PCDH9: variants seen among roughly 807,000 people sequenced by gnomAD.
PCDH9 encodes protocadherin 9.
A neutral mutation model predicts 70.6 loss-of-function variants in PCDH9; 24 were observed. The ratio of observed to expected loss-of-function variants is 0.34; its 90% confidence interval spans 0.25 to 0.48. The LOEUF (loss-of-function observed/expected upper bound fraction) is 0.48, where lower values mean the gene tolerates loss of function less well. PCDH9 is among the 20% of genes least tolerant of loss of function. The pLI, the probability that PCDH9 is intolerant of heterozygous loss-of-function variation, is 0.99. For missense variants in PCDH9, 1,281 were observed against 1,503.6 expected, an observed-to-expected ratio of 0.85 and a Z score of 2.45; for synonymous variants, 562 against 558.5, an observed-to-expected ratio of 1.01 and a Z score of -0.09.
chr13:67,109,402 T>C (rs538123008), intron 2 of PCDH9, among the ~76,000 whole-genome samples: 21 of 152,340 alleles, frequency 1.4e-4, no homozygotes, highest in Admixed American at 4.6e-4. Context: ...GTCAATAATG[T>C]AGCCTAATCA....
At chr13:66,927,189 C>T (rs1043104206) in intron 2 of PCDH9, among the ~76,000 whole-genome samples, 2 of 151,938 alleles carry the variant, frequency 1.3e-5, no homozygotes, top group Admixed American at 6.6e-5. Context: ...ATAATGAAGT[C>T]CCATAGACCG....
chr13:66,818,500 T>A (rs76126667), intron 3 of PCDH9, among the ~76,000 whole-genome samples: 2,439 of 152,262 alleles, frequency 0.016, 80 homozygotes, highest in African/African-American at 0.054. Flanking sequence ...TGACATAGTA[T>A]CTGCAGAAAA....
At chr13:67,173,031 G>A (rs1303587740) in intron 2 of PCDH9, among the ~76,000 whole-genome samples, 2 of 151,862 alleles carry the variant, frequency 1.3e-5, no homozygotes, top group Non-Finnish European at 2.9e-5. Flanking sequence ...TAAAAATCAG[G>A]GAGTCACTCA....
intron 2 of PCDH9, among the ~76,000 whole-genome samples, chr13:66,949,859 A>G (rs933427106): frequency 3.9e-5 from 6 of 152,090 alleles, no homozygotes; most frequent in African/African-American, 1.4e-4. Context: ...TAAATGGGTT[A>G]AATATATAAA....
intron 3 of PCDH9, among the ~76,000 whole-genome samples, chr13:66,729,013 T>C (rs1002068428): frequency 6.6e-6 from 1 of 152,096 alleles, no homozygotes; most frequent in Non-Finnish European, 1.5e-5. Context: ...TGATGACATA[T>C]ATTTGTATGA....
At position 66,905,129 on chromosome 13, in the gene PCDH9, G is replaced by T. The variant is rs74093652; in HGVS notation, c.3037-1524C>A. 9.8e-3 allele frequency among the ~76,000 whole-genome samples: 1,482 copies of T among 151,168 alleles called. 21 individuals are homozygous for T. The highest frequency in any genetic ancestry group is 0.034 in the African/African-American group (1,422 of 41,288). The stretch of plus-strand genomic sequence containing the variant: ...TTATTTGAATGTTCCTAAGTTTTTT[G>T]TCTGAACAAATTCACTGTTAGCAAC... On this transcript the variant is annotated intron_variant, in intron 2 of 4. Transcript: ENST00000377865.
intron 2 of PCDH9, among the ~76,000 whole-genome samples, chr13:67,032,146 C>CT (rs1027796518): frequency 2.0e-5 from 3 of 151,858 alleles, no homozygotes; most frequent in African/African-American, 4.8e-5. Context: ...TTAAATACCA[C>CT]TTTTTTGGGG....
At chr13:66,955,838 A>G (rs962805478) in intron 2 of PCDH9, among the ~76,000 whole-genome samples, 1 of 152,176 alleles carries the variant, frequency 6.6e-6, no homozygotes, top group African/African-American at 2.4e-5. Context: ...TGCAAATATA[A>G]GAACATAGGG....
chr13:67,201,339 T>A (rs1004511873), intron 2 of PCDH9: 1 of 152,056 alleles, frequency 6.6e-6, no homozygotes, highest in Non-Finnish European at 1.5e-5. Context: ...TACAACTCTT[T>A]AAATACTTTA....
intron 4 of PCDH9, among the ~76,000 whole-genome samples, chr13:66,477,474 C>T (rs940439149): frequency 6.6e-6 from 1 of 151,966 alleles, no homozygotes; most frequent in African/African-American, 2.4e-5. Context: ...GAACTGTGGA[C>T]AAGACATAGA....
At chr13:66,848,927 CAAAAAAAAAA>C (rs745587776) in intron 3 of PCDH9, among the ~76,000 whole-genome samples, 9 of 51,308 alleles carry the variant, frequency 1.8e-4, no homozygotes, top group Middle Eastern at 0.01. Context: ...GACTCCGTCT[CAAAAAAAAAA>C]AAAAAAAAAA....
At chr13:66,532,272 C>G (rs950065586) in intron 4 of PCDH9, among the ~76,000 whole-genome samples, 1 of 151,858 alleles carries the variant, frequency 6.6e-6, no homozygotes, top group Non-Finnish European at 1.5e-5. Context: ...CCAAAGTGTC[C>G]GGATGATGGG....
At chr13:66,559,817 A>ATAT (rs1555306268) in intron 4 of PCDH9, among the ~76,000 whole-genome samples, 11 of 93,112 alleles carry the variant, frequency 1.2e-4, no homozygotes, top group Admixed American at 1.4e-4. Context: ...AAAAAAAAAA[A>ATAT]ATATATATAT....
At chr13:66,559,849 C>CAT in intron 4 of PCDH9, among the ~76,000 whole-genome samples, 1 of 144,698 alleles carries the variant, frequency 6.9e-6, no homozygotes, top group Non-Finnish European at 1.5e-5. Flanking sequence ...CACACACACA[C>CAT]ACACACACAC....
intron 4 of PCDH9, among the ~76,000 whole-genome samples, chr13:66,358,185 A>G (rs1824709976): frequency 6.6e-6 from 1 of 152,018 alleles, no homozygotes; most frequent in Non-Finnish European, 1.5e-5. Flanking sequence ...TATGCAGTAA[A>G]TTATTAATAA....
At position 66,847,693 on chromosome 13, in the gene PCDH9, C is replaced by G. The variant is rs527936425; in HGVS notation, c.3138+55811G>C. Reference sequence around the variant, plus strand: ...CATCACTACTCATGAGCTTTGGGGGCCATTATTCAGTAAAATAAAAGTTAC... The same window carrying G: ...CATCACTACTCATGAGCTTTGGGGGGCATTATTCAGTAAAATAAAAGTTAC... On this transcript the variant is annotated intron_variant, in intron 3 of 4. Transcript: ENST00000377865. Among the ~76,000 whole-genome samples, 7 of 152,202 alleles carry G rather than the reference C, an allele frequency of 4.6e-5. No individual in the cohort carries two copies. In the East Asian group the frequency reaches 1.4e-3, roughly 29 times the overall value.
chr13:66,395,275 T>C (rs1957083187), intron 4 of PCDH9, among the ~76,000 whole-genome samples: 2 of 152,274 alleles, frequency 1.3e-5, no homozygotes, highest in African/African-American at 4.8e-5. Context: ...TCTGCTCCCT[T>C]GAAGAGTGAC....
chr13:66,939,374 T>A (rs556495736), intron 2 of PCDH9, among the ~76,000 whole-genome samples: 1 of 152,178 alleles, frequency 6.6e-6, no homozygotes, highest in South Asian at 2.1e-4. Context: ...TCCCAAAGGA[T>A]AATTTTTACT....
At chr13:67,132,995 A>G (rs1244394861) in intron 2 of PCDH9, among the ~76,000 whole-genome samples, 1 of 152,032 alleles carries the variant, frequency 6.6e-6, no homozygotes, top group Non-Finnish European at 1.5e-5. Flanking sequence ...TTTATACAGT[A>G]TTTCACTGAT....
Sources: allele counts gnomAD v4.1 joint callset (sites outside exome capture counted in the v4.1 genomes callset), GRCh38; gene constraint gnomAD v4.1.1; transcripts MANE v1.5; gene names NCBI Gene and HGNC (gene_info 2026-07-23, HGNC 2026-07-21).